RARG: variants seen among roughly 807,000 people sequenced by gnomAD.
RARG encodes retinoic acid receptor gamma.
Under a neutral mutation model 43.7 loss-of-function variants are expected in RARG, and 17 were observed. The observed-to-expected ratio is 0.39, with a 90% CI of 0.27 to 0.58. The LOEUF is 0.58. RARG is among the 20% of genes least tolerant of loss of function. The pLI is 0.57. For missense variants in RARG, 346 were observed against 598.7 expected, an observed-to-expected ratio of 0.58 and a Z score of 4.40; for synonymous variants, 238 against 236.4, an observed-to-expected ratio of 1.01 and a Z score of -0.06.
chr12:53,221,050 C>T (rs1035691271), intron 3 of RARG, among the ~76,000 whole-genome samples: 1 of 152,114 alleles, frequency 6.6e-6, no homozygotes, highest in African/African-American at 2.4e-5. Flanking sequence ...GCGCTCCCGC[C>T]GTGAACTCTC....
chr12:53,232,192 T>C lies in RARG; in HGVS notation c.-428A>G, dbSNP rs953891536. On this transcript the variant is annotated 5_prime_UTR_variant, in exon 1 of 10. Transcript: ENST00000425354. ...ATTTTCTCCCAAACCGCACACTGAC[T>C]CTGCAGGCGGGGACACGGAAAATAT... The C allele has an allele frequency of 5.0e-6, 2 of 397,796 alleles. No individual in the cohort carries two copies. The highest frequency in any genetic ancestry group is 8.9e-6 in the Non-Finnish European group (2 of 225,814). 24.6% of individuals were successfully genotyped at this position (397,796 alleles called of 1,614,324 possible). A position where few individuals can be genotyped will look rare whatever the true frequency, so the allele number is the denominator to read the frequency against.
In RARG at chr12:53,226,794, CAG is replaced by C. The variant is rs1050191120; in HGVS notation, c.184+566_184+567del. 1.9e-4 allele frequency among the ~76,000 whole-genome samples: 29 copies of C among 149,966 alleles called. 1 individual carries two copies. The highest frequency in any genetic ancestry group is 5.9e-4 in the African/African-American group (24 of 40,626). ...GCCCAGCTAATTTTTGCATTTTTAACAGAGGGGGAGTTTCACCATGTTGGCCA... is the reference window on the plus strand; with the variant it reads ...GCCCAGCTAATTTTTGCATTTTTAACAGGGGGAGTTTCACCATGTTGGCCA... On this transcript the variant is annotated intron_variant, in intron 3 of 9. Coordinates refer to ENST00000425354, the MANE Select transcript of RARG (RefSeq NM_000966.6).
Position 53,211,975 on chromosome 12 carries a change from A to G in RARG, c.1178-112T>C. On this transcript the variant is annotated intron_variant, in intron 9 of 9. Coordinates refer to ENST00000425354, the MANE Select transcript of RARG (RefSeq NM_000966.6). The surrounding 1 kb of genome is among the most constrained non-coding windows in gnomAD (Gnocchi z 4.6). Reference sequence around the variant, plus strand: ...CTGACTCCCCTAGGGGGCGCCCAGCACAGGCCCACCACCTCTCCGTCCCCA... The same window carrying G: ...CTGACTCCCCTAGGGGGCGCCCAGCGCAGGCCCACCACCTCTCCGTCCCCA... 1.3e-6 allele frequency: 1 copy of G among 758,520 alleles called. No homozygotes were observed. Among genetic ancestry groups the G allele is most frequent in the Non-Finnish European group, 1.9e-6 (1 of 539,528 alleles). 47.0% of individuals were successfully genotyped at this position (758,520 alleles called of 1,614,324 possible). A position where few individuals can be genotyped will look rare whatever the true frequency, so the allele number is the denominator to read the frequency against.
chr12:53,225,671 C>T (rs954291620), intron 3 of RARG, among the ~76,000 whole-genome samples: 4 of 152,232 alleles, frequency 2.6e-5, no homozygotes, highest in Non-Finnish European at 4.4e-5. Context: ...CTTCAATCAC[C>T]TTCTCTTGGC....
chr12:53,229,480 C>T (rs1185958976), intron 2 of RARG, among the ~76,000 whole-genome samples: 1 of 152,136 alleles, frequency 6.6e-6, no homozygotes, highest in Non-Finnish European at 1.5e-5. Flanking sequence ...TGAAGCATCC[C>T]CTGCCCCTCA....
Position 53,215,752 on chromosome 12 carries a change from C to T in RARG, c.227G>A (p.Ser76Asn). 6.2e-7 allele frequency: 1 copy of T among 1,613,058 alleles called. No individual in the cohort carries two copies. The highest frequency in any genetic ancestry group is 8.5e-7 in the Non-Finnish European group (1 of 1,179,774). Residue 76 changes from serine (S) to asparagine (N), a missense_variant, in exon 4 of 10, where the codon AGC becomes AAC. Around this residue, in one of 8 missense-constraint regions of RARG, gnomAD observed 50 missense variants for 117.7 expected, o/e 0.42. Coordinates refer to ENST00000425354, the MANE Select transcript of RARG (RefSeq NM_000966.6). The surrounding 1 kb of genome is among the most constrained non-coding windows in gnomAD (Gnocchi z 6.4). ...AGGAGGCGGAGGGGGCGAGGGCGAGCTGGGCACCATCTCCTCTGAGCTGGT... is the reference window on the plus strand; with the variant it reads ...AGGAGGCGGAGGGGGCGAGGGCGAGTTGGGCACCATCTCCTCTGAGCTGGT... ...QSTSSEEMVP[S>N]SPSPPPPPRV...
At position 53,231,996 on chromosome 12, in the gene RARG, G is replaced by C; in HGVS notation, c.-232C>G. The C allele has an allele frequency of 2.5e-6, 1 of 396,922 alleles. No homozygotes were observed. Among genetic ancestry groups the C allele is most frequent in the East Asian group, 3.6e-5 (1 of 28,006 alleles). The allele number at this position is 396,922 out of a possible 1,614,324, so 24.6% of individuals were successfully genotyped here. Reference sequence around the variant, plus strand: ...CACCTGGAGTGGGAGGGGGAAGGGAGGCGGCGGAGCCCCGAGGTCCCGGCG... The same window carrying C: ...CACCTGGAGTGGGAGGGGGAAGGGACGCGGCGGAGCCCCGAGGTCCCGGCG... On this transcript the variant is annotated 5_prime_UTR_variant, in exon 1 of 10. Coordinates refer to ENST00000425354, the MANE Select transcript of RARG (RefSeq NM_000966.6).
Position 53,213,103 on chromosome 12 carries a change from G to A in RARG, c.1159C>T (p.Arg387Trp). Reference sequence around the variant, plus strand: ...GACTCACCCTTAGTGCTGATGCCCCGGAGGTCGGTGATTTTCATTAGCATC... The same window carrying A: ...GACTCACCCTTAGTGCTGATGCCCCAGAGGTCGGTGATTTTCATTAGCATC... ...PRMLMKITDL[R>W]GISTKGAERA... The change falls in exon 9 of 10, where the codon CGG becomes TGG. Residue 387 changes from arginine to tryptophan, a missense_variant. Transcript: ENST00000425354. The surrounding 1 kb of genome is among the most constrained non-coding windows in gnomAD (Gnocchi z 4.7). The A allele has an allele frequency of 1.2e-6, 2 of 1,613,838 alleles. No homozygotes were observed. Among genetic ancestry groups the A allele is most frequent in the South Asian group, 1.1e-5 (1 of 91,044 alleles).
intron 3 of RARG, among the ~76,000 whole-genome samples, chr12:53,218,883 C>T (rs959205129): frequency 1.2e-4 from 17 of 146,572 alleles, no homozygotes; most frequent in African/African-American, 4.2e-4. Context: ...GCGAGCACAT[C>T]CCAGCCCAGG....
intron 9 of RARG, among the ~76,000 whole-genome samples, chr12:53,212,825 G>A (rs906725194): frequency 9.2e-5 from 14 of 151,520 alleles, no homozygotes; most frequent in African/African-American, 2.2e-4. Context: ...TGCAGTTGCA[G>A]TAGTCACATT....
chr12:53,212,991 A>G (rs1942647045), intron 9 of RARG, 94 bp downstream of exon 9: 1 of 1,363,692 alleles, frequency 7.3e-7, no homozygotes, highest in Non-Finnish European at 9.8e-7. Flanking sequence ...CTGGTTCTCA[A>G]CTACTCTGTT....
chr12:53,230,430 C>G (rs1943205201), intron 2 of RARG, among the ~76,000 whole-genome samples: 1 of 152,130 alleles, frequency 6.6e-6, no homozygotes, highest in Admixed American at 6.5e-5. Context: ...CCCCTCCCCT[C>G]TGTATAAACA....
In RARG at chr12:53,214,623, C is replaced by G; in HGVS notation, c.476-17G>C. On this transcript the variant is annotated splice_polypyrimidine_tract_variant and intron_variant, in intron 5 of 9. Transcript: ENST00000425354. Reference sequence around the variant, plus strand: ...TTCGCACAGCTTGTGGGTGGAGGCGCAAGGAGAGGGTCAGGACCCTCAGAG... The same window carrying G: ...TTCGCACAGCTTGTGGGTGGAGGCGGAAGGAGAGGGTCAGGACCCTCAGAG... 1 of 1,591,312 alleles carries G rather than the reference C, an allele frequency of 6.3e-7. No homozygotes were observed. Among genetic ancestry groups the G allele is most frequent in the Non-Finnish European group, 8.6e-7 (1 of 1,162,300 alleles).
rs370106394 is a variant in RARG at position 53,214,435 on chromosome 12, C to T, written c.636+11G>A. On this transcript the variant is annotated intron_variant, in intron 6 of 9. Coordinates refer to ENST00000425354, the MANE Select transcript of RARG (RefSeq NM_000966.6). ...GTGCCCTGCCCTCACTGGGCTCTGC[C>T]CATTCCTCACCGTGGTATACTTGCC... 67 of 1,608,964 alleles carry T rather than the reference C, an allele frequency of 4.2e-5. No individual in the cohort carries two copies. In the Middle Eastern group the frequency reaches 6.8e-4, roughly 16 times the overall value.
chr12:53,213,241 G>A lies in RARG; in HGVS notation c.1021C>T (p.Arg341Cys), dbSNP rs754842832. The change falls in exon 9 of 10, where the codon CGC (arginine) becomes TGC (cysteine). Residue 341 changes from arginine to cysteine, a missense_variant and splice_region_variant. By Grantham distance (180) the Arg-to-Cys change is radical. Coordinates refer to ENST00000425354, the MANE Select transcript of RARG (RefSeq NM_000966.6). The surrounding 1 kb of genome is among the most constrained non-coding windows in gnomAD (Gnocchi z 4.7). ...TTTTCGGGCTCCTCCAGGTCCATGCGGTCTATGGGGACAAGTATACTGGAG... is the reference window on the plus strand; with the variant it reads ...TTTTCGGGCTCCTCCAGGTCCATGCAGTCTATGGGGACAAGTATACTGGAG... ...LSAICLICGDRMDLEEPEKVD... is the reference protein window; with the variant it reads ...LSAICLICGDCMDLEEPEKVD... 3.8e-6 allele frequency: 6 copies of A among 1,571,510 alleles called. No individual in the cohort carries two copies. The highest frequency in any genetic ancestry group is 5.3e-6 in the Non-Finnish European group (6 of 1,142,054).
At chr12:53,220,540 A>C in intron 3 of RARG, 1 of 287,828 alleles carries the variant, frequency 3.5e-6, no homozygotes, top group Non-Finnish European at 6.5e-6. Flanking sequence ...CATTTATCTT[A>C]TCAGGCACCA....
In RARG at chr12:53,230,836, C is replaced by CGTGTGTGT. The variant is rs59367849; in HGVS notation, c.-143+325_-143+332dup. ...GCCTACTAGGCTGTAGGCCACAGTGCGTGTGTGTGTGTGTGTGTGTGTGTG... is the reference window on the plus strand; with the variant it reads ...GCCTACTAGGCTGTAGGCCACAGTGCGTGTGTGTGTGTGTGTGTGTGTGTGTGTGTGTG... On this transcript the variant is annotated intron_variant, in intron 2 of 9. Coordinates refer to ENST00000425354, the MANE Select transcript of RARG (RefSeq NM_000966.6). 4.6e-3 allele frequency among the ~76,000 whole-genome samples: 555 copies of CGTGTGTGT among 119,962 alleles called. 5 individuals carry two copies. The highest frequency in any genetic ancestry group is 8.1e-3 in the South Asian group (28 of 3,440). 78.7% of individuals were successfully genotyped at this position (119,962 alleles called of 152,430 possible). A position where few individuals can be genotyped will look rare whatever the true frequency, so the allele number is the denominator to read the frequency against.
At chr12:53,220,887 C>A (rs1378880326) in intron 3 of RARG, among the ~76,000 whole-genome samples, 11 of 152,174 alleles carry the variant, frequency 7.2e-5, no homozygotes, top group Admixed American at 7.2e-4. Flanking sequence ...GGCTCGGGAC[C>A]TGCACTACCT....
intron 3 of RARG, among the ~76,000 whole-genome samples, chr12:53,223,889 G>A (rs975256335): frequency 6.6e-6 from 1 of 151,998 alleles, no homozygotes; most frequent in African/African-American, 2.4e-5. Flanking sequence ...CAGGGACAGT[G>A]GCCCCATGGC....
Sources: gnomAD v4.1 joint callset for allele counts (sites outside exome capture counted in the v4.1 genomes callset) on GRCh38, gnomAD v4.1.1 for gene constraint, gnomAD v4.1.1 regional missense constraint, Gnocchi (gnomAD v3.1) non-coding constraint, MANE v1.5 for transcripts, NCBI Gene and HGNC (gene_info 2026-07-23, HGNC 2026-07-21) for gene names.